The following MBNL1 variants were observed in gnomAD, a reference collection of about 807,000 sequenced individuals.
The protein encoded by MBNL1 is muscleblind like splicing regulator 1.
A neutral mutation model predicts 42.2 loss-of-function variants in MBNL1; 8 were observed. The observed-to-expected ratio is 0.19, with a 90% CI of 0.11 to 0.34. MBNL1 has a LOEUF of 0.34. Ranked by LOEUF, MBNL1 falls within the 10% of genes least tolerant of loss-of-function variation. The pLI, the probability that MBNL1 is intolerant of heterozygous loss-of-function variation, is 1.00. For missense variants in MBNL1, 309 were observed against 495.3 expected (o/e 0.62, Z 3.57); for synonymous variants, 169 against 173.9 (o/e 0.97, Z 0.22).
At chr3:152,309,522 C>T (rs555456833) in intron 2 of MBNL1, among the ~76,000 whole-genome samples, 2 of 152,288 alleles carry the variant, frequency 1.3e-5, no homozygotes, top group African/African-American at 4.8e-5. Context: ...ATCACTTATA[C>T]TTAAGTCCAG....
intron 2 of MBNL1, among the ~76,000 whole-genome samples, chr3:152,369,787 T>C (rs910734688): frequency 1.3e-5 from 2 of 152,220 alleles, no homozygotes; most frequent in Non-Finnish European, 2.9e-5. Context: ...GATTTTCTAG[T>C]GTATTTGCAT....
chr3:152,361,484 A>G (rs1196687555), intron 2 of MBNL1, among the ~76,000 whole-genome samples: 1 of 151,282 alleles, frequency 6.6e-6, no homozygotes, highest in Admixed American at 6.6e-5. Context: ...AGGAAGCATG[A>G]AAAAGATACA....
intron 2 of MBNL1, among the ~76,000 whole-genome samples, chr3:152,251,987 T>A (rs1171241738): frequency 1.3e-5 from 2 of 152,088 alleles, no homozygotes; most frequent in Admixed American, 6.6e-5. Context: ...ACTCCCATCT[T>A]CAACATCTAT....
chr3:152,403,929 G>A (rs927015779), intron 2 of MBNL1, among the ~76,000 whole-genome samples: 2 of 152,154 alleles, frequency 1.3e-5, no homozygotes, highest in Non-Finnish European at 2.9e-5. Context: ...CAGAGCCAGT[G>A]TCATTGAGCA....
At chr3:152,269,526 C>T (rs1317611182) in intron 1 of MBNL1, 10 of 455,350 alleles carry the variant, frequency 2.2e-5, no homozygotes, top group Admixed American at 2.1e-4. Flanking sequence ...CCGGGGCTGC[C>T]ATCCCGCCCG....
At chr3:152,314,608 C>T (rs2069418234) in intron 2 of MBNL1, among the ~76,000 whole-genome samples, 1 of 152,190 alleles carries the variant, frequency 6.6e-6, no homozygotes, top group Non-Finnish European at 1.5e-5. Context: ...CTTCCAACCT[C>T]AGGCGATCCG....
At chr3:152,387,906 ATAACT>A (rs2097521540) in intron 2 of MBNL1, among the ~76,000 whole-genome samples, 1 of 152,212 alleles carries the variant, frequency 6.6e-6, no homozygotes, top group African/African-American at 2.4e-5. Context: ...GGTATTATTA[ATAACT>A]TAGATGAAGA....
At chr3:152,324,732 T>C (rs760307899) in intron 2 of MBNL1, among the ~76,000 whole-genome samples, 2 of 152,154 alleles carry the variant, frequency 1.3e-5, no homozygotes, top group African/African-American at 4.8e-5. Context: ...ACTATACCAA[T>C]TGCCAACTGA....
intron 1 of MBNL1, among the ~76,000 whole-genome samples, chr3:152,270,419 G>T (rs1226282703): frequency 6.6e-6 from 1 of 152,168 alleles, no homozygotes; most frequent in Non-Finnish European, 1.5e-5. Flanking sequence ...CACAGTGTCT[G>T]TTTATACACA....
intron 2 of MBNL1, among the ~76,000 whole-genome samples, chr3:152,308,582 A>G (rs1192901563): frequency 6.6e-6 from 1 of 152,088 alleles, no homozygotes; most frequent in Non-Finnish European, 1.5e-5. Context: ...GGTGTCGTCA[A>G]TATGTCTTCC....
intron 2 of MBNL1, among the ~76,000 whole-genome samples, chr3:152,345,258 G>A (rs1195735958): frequency 1.3e-5 from 2 of 152,084 alleles, no homozygotes; most frequent in Non-Finnish European, 2.9e-5. Flanking sequence ...GATACCTTGA[G>A]TACCAGCTTT....
At chr3:152,356,091 G>A (rs2095495032) in intron 2 of MBNL1, among the ~76,000 whole-genome samples, 1 of 152,058 alleles carries the variant, frequency 6.6e-6, no homozygotes. Context: ...AGAATCGTGT[G>A]AAATTTTCAT....
At chr3:152,251,482 A>T (rs924664458) in intron 2 of MBNL1, among the ~76,000 whole-genome samples, 4 of 152,120 alleles carry the variant, frequency 2.6e-5, no homozygotes, top group African/African-American at 7.2e-5. Flanking sequence ...ACTACGTTGT[A>T]CAATAGATCT....
intron 2 of MBNL1, among the ~76,000 whole-genome samples, chr3:152,319,700 T>C (rs1259600917): frequency 7.1e-6 from 1 of 140,840 alleles, no homozygotes; most frequent in African/African-American, 2.6e-5. Flanking sequence ...TTATAAAATT[T>C]ACTAATAAAA....
chr3:152,369,715 G>C lies in MBNL1; in HGVS notation c.175-45226G>C, dbSNP rs181852823. Among the ~76,000 whole-genome samples, 263 of 152,180 alleles carry C rather than the reference G, an allele frequency of 1.7e-3. 1 individual carries two copies. The highest frequency in any genetic ancestry group is 3.2e-3 in the Non-Finnish European group (217 of 67,984). On this transcript the variant is annotated intron_variant, in intron 2 of 9. Coordinates refer to ENST00000324210, the MANE Select transcript of MBNL1 (RefSeq NM_021038.5). ...TTGTTATTGGTCTATTCAGGGATTT[G>C]ACTTCTTTCTGGTTTAGTCTTGGGA...
At chr3:152,344,696 G>A (rs764219067) in intron 2 of MBNL1, among the ~76,000 whole-genome samples, 1 of 152,046 alleles carries the variant, frequency 6.6e-6, no homozygotes, top group Non-Finnish European at 1.5e-5. Flanking sequence ...TTTCGCTTTC[G>A]AAAACATACA....
intron 9 of MBNL1, among the ~76,000 whole-genome samples, chr3:152,459,783 G>C (rs1741511452): frequency 6.6e-6 from 1 of 151,664 alleles, no homozygotes; most frequent in Admixed American, 6.6e-5. Context: ...CTGTGTTCCA[G>C]TAAAACTTTA....
chr3:152,407,340 C>T (rs1389476088), intron 2 of MBNL1, among the ~76,000 whole-genome samples: 2 of 145,856 alleles, frequency 1.4e-5, no homozygotes, highest in African/African-American at 5.1e-5. Flanking sequence ...CAATTTACAT[C>T]TAGAAAGTTA....
Position 152,465,561 on chromosome 3 carries a change from T to C in MBNL1, c.*3195T>C, listed in dbSNP as rs3211339. Reference sequence around the variant, plus strand: ...CAGCTGGTTAAAAATGTTGCACTTATCAGCAACCCTACCACTTTCATCTGC... The same window carrying C: ...CAGCTGGTTAAAAATGTTGCACTTACCAGCAACCCTACCACTTTCATCTGC... On this transcript the variant is annotated 3_prime_UTR_variant, in exon 10 of 10. Transcript: ENST00000324210. The C allele has an allele frequency of 2.6e-5, 4 of 152,652 alleles. No homozygotes were observed. The South Asian group carries it at 6.2e-4, about 24-fold the overall frequency. 9.5% of individuals were successfully genotyped at this position (152,652 alleles called of 1,614,324 possible).
Sources: gnomAD v4.1 joint callset for allele counts (sites outside exome capture counted in the v4.1 genomes callset) on GRCh38, gnomAD v4.1.1 for gene constraint, MANE v1.5 for transcripts, NCBI Gene and HGNC (gene_info 2026-07-23, HGNC 2026-07-21) for gene names.